Variants in ZNF891 observed in about 807,000 individuals in gnomAD.
ZNF891 encodes the protein zinc finger protein 891, also known as hCG1646157.
For synonymous variants in ZNF891, 199 were observed against 209.0 expected (o/e 0.95, Z 0.41); for missense variants, 589 against 632.7 (o/e 0.93, Z 0.74).
intron 1 of ZNF891, among the ~76,000 whole-genome samples, chr12:133,128,547 T>C (rs1371306408): frequency 6.6e-6 from 1 of 152,174 alleles, no homozygotes; most frequent in East Asian, 1.9e-4. Context: ...GGCAGGAGAA[T>C]GGCTTGAACC....
At chr12:133,124,761 C>T (rs1955798737) in intron 1 of ZNF891, among the ~76,000 whole-genome samples, 1 of 144,702 alleles carries the variant, frequency 6.9e-6, no homozygotes, top group Non-Finnish European at 1.5e-5. Flanking sequence ...TTATATTGCT[C>T]TCAGTCTTTA....
In ZNF891 at chr12:133,105,643, A is replaced by G. The variant is rs1955564617; in HGVS notation, c.*14641T>C. 6.2e-7 allele frequency: 1 copy of G among 1,614,212 alleles called. No individual in the cohort carries two copies. Among genetic ancestry groups the G allele is most frequent in the Non-Finnish European group, 8.5e-7 (1 of 1,180,040 alleles). ...ATTCCAGTTTTAAAGGAGGCTGGAA[A>G]TGCAAGGATCATACTGAGATGCTGC... On this transcript the variant is annotated 3_prime_UTR_variant, in exon 2 of 2. Transcript: ENST00000537226.
In ZNF891 at chr12:133,117,746, T is replaced by TTATTCA. The variant is rs1955723462; in HGVS notation, c.*2537_*2538insTGAATA. 4 of 152,232 alleles carry TTATTCA rather than the reference T, an allele frequency of 2.6e-5. No individual in the cohort carries two copies. Among genetic ancestry groups the TTATTCA allele is most frequent in the Non-Finnish European group, 5.9e-5 (4 of 68,036 alleles). 9.4% of individuals were successfully genotyped at this position (152,232 alleles called of 1,614,324 possible). A position where few individuals can be genotyped will look rare whatever the true frequency, so the allele number is the denominator to read the frequency against. On this transcript the variant is annotated 3_prime_UTR_variant, in exon 2 of 2. Transcript: ENST00000537226. ...TACCCTTTCTCCTATTATTCAAACTTGTCTACATCCAGTCTTTACTTCTTT... is the reference window on the plus strand; with the variant it reads ...TACCCTTTCTCCTATTATTCAAACTTTATTCAGTCTACATCCAGTCTTTACTTCTTT...
chr12:133,111,225 A>T lies in ZNF891; in HGVS notation c.*9059T>A, dbSNP rs994638327. ...TTCTTTTAAGGAAACAAAACAAAAA[A>T]AAATAAATTATGTAACCCAGCACTT... On this transcript the variant is annotated 3_prime_UTR_variant, in exon 2 of 2. Coordinates refer to ENST00000537226, the MANE Select transcript of ZNF891 (RefSeq NM_001277291.2). 5.3e-5 allele frequency: 8 copies of T among 152,130 alleles called. No homozygotes were observed. Among genetic ancestry groups the T allele is most frequent in the Admixed American group, 4.6e-4 (7 of 15,264 alleles). The allele number at this position is 152,130 out of a possible 1,614,324, so 9.4% of individuals were successfully genotyped here.
Position 133,106,717 on chromosome 12 carries a change from T to A in ZNF891, c.*13567A>T. ...TTAAAAAGAAGTATAATGCCTTACTTCAGAGAACTCTTGGAAAGAAGCCTT... is the reference window on the plus strand; with the variant it reads ...TTAAAAAGAAGTATAATGCCTTACTACAGAGAACTCTTGGAAAGAAGCCTT... On this transcript the variant is annotated 3_prime_UTR_variant, in exon 2 of 2. Coordinates refer to ENST00000537226, the MANE Select transcript of ZNF891 (RefSeq NM_001277291.2). The A allele has an allele frequency of 7.2e-7, 1 of 1,382,412 alleles. No individual in the cohort carries two copies. The highest frequency in any genetic ancestry group is 9.7e-7 in the Non-Finnish European group (1 of 1,030,534). 85.6% of individuals were successfully genotyped at this position (1,382,412 alleles called of 1,614,324 possible).
chr12:133,120,402 T>A lies in ZNF891; in HGVS notation c.1517A>T (p.His506Leu). 6.3e-7 allele frequency: 1 copy of A among 1,599,896 alleles called. No individual in the cohort carries two copies. The highest frequency in any genetic ancestry group is 1.1e-5 in the South Asian group (1 of 89,472). ...TTTCTCTCCAGTGTGAATTCTCACA[T>A]GCCTCCTAAGGGAAGAGGAAACACT... ...AFSVSSSLRR[H>L]VRIHTGEKPY... Residue 506 changes from histidine (H) to leucine (L), a missense_variant, in exon 2 of 2, where the codon CAT (histidine) becomes CTT (leucine). By Grantham distance (99) the His-to-Leu change is moderately conservative. Coordinates refer to ENST00000537226, the MANE Select transcript of ZNF891 (RefSeq NM_001277291.2).
Position 133,120,370 on chromosome 12 carries a change from C to T in ZNF891, c.1549G>A (p.Glu517Lys). 1 of 1,590,528 alleles carries T rather than the reference C, an allele frequency of 6.3e-7. No homozygotes were observed. The highest frequency in any genetic ancestry group is 2.3e-5 in the East Asian group (1 of 43,792). Residue 517 changes from glutamate (E) to lysine (K), a missense_variant, in exon 2 of 2, where the codon GAA becomes AAA. Physicochemically the swap from Glu to Lys is moderately conservative, Grantham distance 56 (BLOSUM62 1). Coordinates refer to ENST00000537226, the MANE Select transcript of ZNF891 (RefSeq NM_001277291.2). ...AAGGCTTTTCCACATTGAATACATTCATAGGGTTTCTCTCCAGTGTGAATT... is the reference window on the plus strand; with the variant it reads ...AAGGCTTTTCCACATTGAATACATTTATAGGGTTTCTCTCCAGTGTGAATT... ...VRIHTGEKPY[E>K]CIQCGKAFSQ...
Position 133,121,652 on chromosome 12 carries a change from A to G in ZNF891, c.267T>C (p.Leu89=), listed in dbSNP as rs184728647. ...CTTGATCCAATGGGGAGATCACAGT[A>G]AGCCTGTACAACTGATATTCCACGG... ...LTSVEYQLYR[L]TVISPLDQEE... Residue 89 remains leucine (L), a synonymous_variant, in exon 2 of 2, where the codon CTT becomes CTC. Transcript: ENST00000537226. 7.2e-6 allele frequency: 11 copies of G among 1,536,390 alleles called. No individual in the cohort carries two copies. In the East Asian group the frequency reaches 2.2e-4, roughly 31 times the overall value.
Position 133,106,465 on chromosome 12 carries a change from G to A in ZNF891, c.*13819C>T, listed in dbSNP as rs750358344. On this transcript the variant is annotated 3_prime_UTR_variant, in exon 2 of 2. Transcript: ENST00000537226. ...CTGAATGTGATAAAGCCTTCAGCCG[G>A]AGCTTTTCCCTCATTCTACATCAGA... 2 of 1,613,948 alleles carry A rather than the reference G, an allele frequency of 1.2e-6. No homozygotes were observed. Among genetic ancestry groups the A allele is most frequent in the Non-Finnish European group, 1.7e-6 (2 of 1,179,968 alleles).
rs916603021 is a variant in ZNF891 at position 133,110,210 on chromosome 12, C to T, written c.*10074G>A. On this transcript the variant is annotated 3_prime_UTR_variant, in exon 2 of 2. Coordinates refer to ENST00000537226, the MANE Select transcript of ZNF891 (RefSeq NM_001277291.2). ...ATAAAATACACCGAAGTAAATAGCA[C>T]GACAATAGCACAAGAAAGGAGGGAG... The T allele has an allele frequency of 3.9e-5, 6 of 152,102 alleles. No individual in the cohort carries two copies. Among genetic ancestry groups the T allele is most frequent in the African/African-American group, 9.7e-5 (4 of 41,412 alleles). The allele number at this position is 152,102 out of a possible 1,614,324, so 9.4% of individuals were successfully genotyped here.
chr12:133,127,923 CAAGA>C (rs1955832656), intron 1 of ZNF891, among the ~76,000 whole-genome samples: 1 of 152,076 alleles, frequency 6.6e-6, no homozygotes, highest in South Asian at 2.1e-4. Flanking sequence ...TCATTAAAAA[CAAGA>C]AAGGTAAACC....
Position 133,120,461 on chromosome 12 carries a change from T to C in ZNF891, c.1458A>G (p.Lys486=), listed in dbSNP as rs1440130187. 1 of 1,604,908 alleles carries C rather than the reference T, an allele frequency of 6.2e-7. No homozygotes were observed. The highest frequency in any genetic ancestry group is 8.5e-7 in the Non-Finnish European group (1 of 1,176,136). The change falls in exon 2 of 2, where the codon AAA becomes AAG. Residue 486 remains lysine (K), a synonymous_variant. Coordinates refer to ENST00000537226, the MANE Select transcript of ZNF891 (RefSeq NM_001277291.2). ...TCCTACATTCCTTACATTCATAGGG[T>C]TTCTCTCCAGTGTGAGTTCTTATAT... ...RMHIRTHTGE[K]PYECKECRKA... is the part of the protein sequence containing the mutation.
chr12:133,120,486 T>A lies in ZNF891; in HGVS notation c.1433A>T (p.His478Leu), dbSNP rs761506142. 37 of 1,599,384 alleles carry A rather than the reference T, an allele frequency of 2.3e-5. No individual in the cohort carries two copies. The highest frequency in any genetic ancestry group is 3.1e-5 in the Non-Finnish European group (36 of 1,173,466). The change falls in exon 2 of 2, where the codon CAT becomes CTT. Residue 478 changes from histidine to leucine, a missense_variant. His to Leu is a moderately conservative substitution (Grantham distance 99). Coordinates refer to ENST00000537226, the MANE Select transcript of ZNF891 (RefSeq NM_001277291.2). ...TTTCTCTCCAGTGTGAGTTCTTATA[T>A]GCATTCTAAGGGATGAGACCCCACT... ...VFSGVSSLRM[H>L]IRTHTGEKPY...
At chr12:133,128,872 A>AC (rs777553791) in intron 1 of ZNF891, among the ~76,000 whole-genome samples, 1 of 151,010 alleles carries the variant, frequency 6.6e-6, no homozygotes, top group Admixed American at 6.6e-5. Context: ...CTGTAATAGG[A>AC]CCCCCCTCCC....
Position 133,115,213 on chromosome 12 carries a change from G to C in ZNF891, c.*5071C>G, listed in dbSNP as rs915840066. The C allele has an allele frequency of 4.6e-5, 7 of 151,844 alleles. No homozygotes were observed. The highest frequency in any genetic ancestry group is 8.8e-5 in the Non-Finnish European group (6 of 67,950). 9.4% of individuals were successfully genotyped at this position (151,844 alleles called of 1,614,324 possible). A position where few individuals can be genotyped will look rare whatever the true frequency, so the allele number is the denominator to read the frequency against. On this transcript the variant is annotated 3_prime_UTR_variant, in exon 2 of 2. Transcript: ENST00000537226. ...GTTTGAGACCAGCCTGACCAACATG[G>C]AGAAACCCTGTCTCTACTAAAAATA...
chr12:133,105,028 T>C lies in ZNF891; in HGVS notation c.*15256A>G, dbSNP rs988400010. Among the ~76,000 whole-genome samples, 1 of 152,056 alleles carries C rather than the reference T, an allele frequency of 6.6e-6. No homozygotes were observed. The highest frequency in any genetic ancestry group is 1.5e-5 in the Non-Finnish European group (1 of 68,024). On this transcript the variant is annotated 3_prime_UTR_variant, in exon 2 of 2. Coordinates refer to ENST00000537226, the MANE Select transcript of ZNF891 (RefSeq NM_001277291.2). ...CTTCATACTAGTTCAGAAGGTAGAG[T>C]TGGAGGATCATAGGCAAGTTTTCAG...
intron 1 of ZNF891, among the ~76,000 whole-genome samples, chr12:133,126,608 T>A (rs7133691): frequency 6.6e-6 from 1 of 150,414 alleles, no homozygotes; most frequent in Non-Finnish European, 1.5e-5. Context: ...GTCAGAATTC[T>A]AAGACCAGCC....
In ZNF891 at chr12:133,109,084, A is replaced by G. The variant is rs1235192878; in HGVS notation, c.*11200T>C. On this transcript the variant is annotated 3_prime_UTR_variant, in exon 2 of 2. Transcript: ENST00000537226. ...CTTCTGGTGTAGCCCAGGGAAGCCAAAAGATTGGACACCTCTGCTTTAGAG... is the reference window on the plus strand; with the variant it reads ...CTTCTGGTGTAGCCCAGGGAAGCCAGAAGATTGGACACCTCTGCTTTAGAG... 6.6e-6 allele frequency: 1 copy of G among 152,238 alleles called. No homozygotes were observed. The highest frequency in any genetic ancestry group is 2.4e-5 in the African/African-American group (1 of 41,468). The allele number at this position is 152,238 out of a possible 1,614,324, so 9.4% of individuals were successfully genotyped here. A position where few individuals can be genotyped will look rare whatever the true frequency, so the allele number is the denominator to read the frequency against.
chr12:133,110,683 TGTAATCCCAGC>T lies in ZNF891; in HGVS notation c.*9590_*9600del, dbSNP rs1457289906. The T allele has an allele frequency of 2.0e-4, 30 of 152,370 alleles. No individual in the cohort carries two copies. The highest frequency in any genetic ancestry group is 3.4e-3 in the Middle Eastern group (1 of 294). The allele number at this position is 152,370 out of a possible 1,614,324, so 9.4% of individuals were successfully genotyped here. Reference sequence around the variant, plus strand: ...GGCAGGGGGCTAAGTGACTTGTGCCTGTAATCCCAGCATGATCCCAGCATGGGAGGCTGAGG... The same window carrying T: ...GGCAGGGGGCTAAGTGACTTGTGCCTATGATCCCAGCATGGGAGGCTGAGG... On this transcript the variant is annotated 3_prime_UTR_variant, in exon 2 of 2. Transcript: ENST00000537226.
Sources: gnomAD v4.1 joint callset for allele counts (sites outside exome capture counted in the v4.1 genomes callset) on GRCh38, gnomAD v4.1.1 for gene constraint, MANE v1.5 for transcripts, NCBI Gene and HGNC (gene_info 2026-07-23, HGNC 2026-07-21) for gene names.